The following CABP1 variants were observed in gnomAD, a reference collection of about 807,000 sequenced individuals.
CABP1 encodes the protein calcium binding protein 1.
In CABP1, 17 loss-of-function variants were observed where a neutral mutation model predicts 34.3. The ratio of observed to expected loss-of-function variants is 0.50; its 90% CI spans 0.34 to 0.74. The LOEUF (loss-of-function observed/expected upper bound fraction) is 0.74, where lower values mean the gene tolerates loss of function less well. CABP1 is among the 30% of genes least tolerant of loss of function. The pLI is 0.01. For synonymous variants in CABP1, 198 were observed against 229.2 expected (o/e 0.86, Z 1.23); for missense variants, 373 against 511.1 (o/e 0.73, Z 2.61).
the CABP1 span, among the ~76,000 whole-genome samples, chr12:120,676,369 C>T: frequency 6.6e-6 from 1 of 152,094 alleles, no homozygotes; most frequent in Non-Finnish European, 1.5e-5. Flanking sequence ...GTTACCTCCC[C>T]AATGTGTCTG....
chr12:120,644,133 G>C (rs901239053), intron 1 of CABP1, among the ~76,000 whole-genome samples: 1 of 152,166 alleles, frequency 6.6e-6, no homozygotes, highest in Non-Finnish European at 1.5e-5. Context: ...TGTCACTTTC[G>C]ATCTCTGTGT....
At chr12:120,656,273 G>A (rs1380293756) in intron 1 of CABP1, 2 of 1,542,778 alleles carry the variant, frequency 1.3e-6, no homozygotes, top group South Asian at 2.5e-5. Context: ...CAGGCAGCCT[G>A]TACGTAAGTT....
the CABP1 span, among the ~76,000 whole-genome samples, chr12:120,677,726 C>G: frequency 6.6e-6 from 1 of 152,276 alleles, no homozygotes; most frequent in Non-Finnish European, 1.5e-5. Context: ...TTCTATCGTA[C>G]TCATTGCAAC....
chr12:120,640,647 G>A lies in CABP1; in HGVS notation c.-39G>A. On this transcript the variant is annotated 5_prime_UTR_variant, in exon 1 of 6. Transcript: ENST00000316803. This position sits in a 1 kb window ranked among gnomAD's most constrained non-coding sequence, Gnocchi z 6.2. Reference sequence around the variant, plus strand: ...CCCCAGATCTGCACCGCCAGCCGCCGGGAGCTCCGGGCTCCGGGCGTAGAG... The same window carrying A: ...CCCCAGATCTGCACCGCCAGCCGCCAGGAGCTCCGGGCTCCGGGCGTAGAG... 2 of 1,154,200 alleles carry A rather than the reference G, an allele frequency of 1.7e-6. No homozygotes were observed. The highest frequency in any genetic ancestry group is 2.1e-6 in the Non-Finnish European group (2 of 938,186). 71.5% of individuals were successfully genotyped at this position (1,154,200 alleles called of 1,614,324 possible).
Position 120,655,861 on chromosome 12 carries a change from C to T in CABP1, c.655-4017C>T, listed in dbSNP as rs774107934. On this transcript the variant is annotated intron_variant, in intron 1 of 5. Transcript: ENST00000316803. Reference sequence around the variant, plus strand: ...TGTGTGTGTGTGTGTGCGCATGTGCCACACAGAGGGCATCACATTCAGCTC... The same window carrying T: ...TGTGTGTGTGTGTGTGCGCATGTGCTACACAGAGGGCATCACATTCAGCTC... 7.8e-6 allele frequency: 12 copies of T among 1,535,338 alleles called. No homozygotes were observed. The Middle Eastern group carries it at 6.7e-4, about 85-fold the overall frequency.
chr12:120,670,232 G>A (rs1592901841), downstream of CABP1, among the ~76,000 whole-genome samples: 1 of 152,134 alleles, frequency 6.6e-6, no homozygotes, highest in East Asian at 1.9e-4. Context: ...TGGCCTCAAG[G>A]GATCCTTCCA....
chr12:120,659,580 C>T (rs1209763440), intron 1 of CABP1: 6 of 332,532 alleles, frequency 1.8e-5, no homozygotes, highest in Non-Finnish European at 2.8e-5. Context: ...CAGCCTCAAA[C>T]TCCTGCTGAC....
At chr12:120,662,826 A>G (rs1452181964) in intron 5 of CABP1, among the ~76,000 whole-genome samples, 1 of 151,830 alleles carries the variant, frequency 6.6e-6, no homozygotes, top group Non-Finnish European at 1.5e-5. Flanking sequence ...CTGGGATTAC[A>G]GGCGCCTACC....
chr12:120,658,173 A>C (rs1880369173), intron 1 of CABP1, among the ~76,000 whole-genome samples: 1 of 146,488 alleles, frequency 6.8e-6, no homozygotes, highest in Admixed American at 7.1e-5. Context: ...GGATCACTGC[A>C]ATCTCTGCCT....
At chr12:120,662,828 G>A (rs1880741017) in intron 5 of CABP1, among the ~76,000 whole-genome samples, 1 of 151,964 alleles carries the variant, frequency 6.6e-6, no homozygotes, top group Admixed American at 6.6e-5. Context: ...GGGATTACAG[G>A]CGCCTACCAC....
intron 1 of CABP1, among the ~76,000 whole-genome samples, chr12:120,644,208 A>G (rs923124777): frequency 2.6e-5 from 4 of 152,186 alleles, no homozygotes; most frequent in African/African-American, 7.2e-5. Context: ...ATTGACAAAA[A>G]CTGCTTTGCA....
intron 1 of CABP1, among the ~76,000 whole-genome samples, chr12:120,653,762 A>G (rs1464255056): frequency 1.3e-5 from 2 of 152,000 alleles, no homozygotes; most frequent in African/African-American, 4.8e-5. Context: ...TGAACTCCCA[A>G]CTTCAGGTCA....
At chr12:120,646,735 A>G (rs1305655889) in intron 1 of CABP1, among the ~76,000 whole-genome samples, 2 of 151,452 alleles carry the variant, frequency 1.3e-5, no homozygotes, top group Non-Finnish European at 2.9e-5. Context: ...CTGGTCTTGA[A>G]CTCCTGGCCT....
intron 5 of CABP1, among the ~76,000 whole-genome samples, chr12:120,666,614 C>T (rs1266141148): frequency 6.6e-6 from 1 of 151,946 alleles, no homozygotes; most frequent in East Asian, 1.9e-4. Flanking sequence ...TGTCAGCTGG[C>T]GCCAGATCAG....
chr12:120,662,356 G>GTTGT (rs57228411), intron 5 of CABP1: 10,197 of 152,246 alleles, frequency 0.067, 393 homozygotes, highest in Admixed American at 0.12. Context: ...CTTTTTTGTT[G>GTTGT]TTGTTTGTTT....
Position 120,651,865 on chromosome 12 carries a change from A to T in CABP1, c.655-8013A>T, listed in dbSNP as rs11065188. ...GTATCTTCTTAGGGGAGTCTTCTGC[A>T]TCGGAAGTGCCCTCCGCGCTGTCCC... On this transcript the variant is annotated intron_variant, in intron 1 of 5. Transcript: ENST00000316803. Among the ~76,000 whole-genome samples, 3,172 of 152,300 alleles carry T rather than the reference A, an allele frequency of 0.021. 212 individuals are homozygous for T. In the East Asian group the frequency reaches 0.26, roughly 13 times the overall value.
chr12:120,652,915 C>T (rs538576818), intron 1 of CABP1, among the ~76,000 whole-genome samples: 12 of 152,164 alleles, frequency 7.9e-5, no homozygotes, highest in Admixed American at 3.9e-4. Context: ...GCTTCCTGAG[C>T]GGTATCTGGG....
At chr12:120,652,210 C>A (rs1393263258) in intron 1 of CABP1, among the ~76,000 whole-genome samples, 1 of 152,100 alleles carries the variant, frequency 6.6e-6, no homozygotes, top group Non-Finnish European at 1.5e-5. Flanking sequence ...TGTTAGTATT[C>A]TTGTCATCAT....
Position 120,667,108 on chromosome 12 carries a change from C to A in CABP1, c.*208C>A. On this transcript the variant is annotated 3_prime_UTR_variant, in exon 6 of 6. Coordinates refer to ENST00000316803, the MANE Select transcript of CABP1 (RefSeq NM_001033677.2). The stretch of plus-strand genomic sequence containing the variant: ...TGCAACTGGAAAGCGGGGGCGCCCG[C>A]CGACGAGGAGGCCACCGTGCCAAGC... The A allele has an allele frequency of 1.6e-6, 1 of 618,514 alleles. No individual in the cohort carries two copies. The highest frequency in any genetic ancestry group is 2.8e-6 in the Non-Finnish European group (1 of 355,608). 38.3% of individuals were successfully genotyped at this position (618,514 alleles called of 1,614,324 possible).
Sources: gnomAD v4.1 joint callset for allele counts (sites outside exome capture counted in the v4.1 genomes callset) on GRCh38, gnomAD v4.1.1 for gene constraint, Gnocchi (gnomAD v3.1) non-coding constraint, MANE v1.5 for transcripts, NCBI Gene and HGNC (gene_info 2026-07-23, HGNC 2026-07-21) for gene names.